The following ADARB2 variants were observed in gnomAD, a reference collection of about 807,000 sequenced individuals.
The protein encoded by ADARB2 is adenosine deaminase RNA specific B2 (inactive).
Under a neutral mutation model 62.2 loss-of-function variants are expected in ADARB2, and 25 were observed. That is an observed-to-expected ratio of 0.40 (90% confidence interval 0.29 to 0.56). The LOEUF (loss-of-function observed/expected upper bound fraction) is 0.56, where lower values mean the gene tolerates loss of function less well. Ranked by LOEUF, ADARB2 falls within the 20% of genes least tolerant of loss-of-function variation. The pLI, the probability that ADARB2 is intolerant of heterozygous loss-of-function variation, is 0.43. For missense variants in ADARB2, 1,071 were observed against 1,077.4 expected (o/e 0.99, Z 0.08); for synonymous variants, 572 against 500.8 (o/e 1.14, Z -1.90).
chr10:1,664,988 G>C (rs1293846928), intron 1 of ADARB2, among the ~76,000 whole-genome samples: 2 of 152,164 alleles, frequency 1.3e-5, no homozygotes, highest in Non-Finnish European at 2.9e-5. Flanking sequence ...AAGAACACCA[G>C]GGACCCATGA....
At chr10:1,544,861 G>A (rs915925973) in intron 1 of ADARB2, among the ~76,000 whole-genome samples, 29 of 151,364 alleles carry the variant, frequency 1.9e-4, no homozygotes, top group Non-Finnish European at 2.7e-4. Flanking sequence ...AACAAAATAC[G>A]TATGGTCTAT....
intron 1 of ADARB2, among the ~76,000 whole-genome samples, chr10:1,571,388 G>A (rs992460383): frequency 3.9e-5 from 6 of 151,918 alleles, no homozygotes; most frequent in African/African-American, 1.5e-4. Context: ...TTTCAATCAT[G>A]TTTGTGTTCT....
Position 1,522,540 on chromosome 10 carries a change from T to C in ADARB2, c.101-143380A>G, listed in dbSNP as rs180925574. Among the ~76,000 whole-genome samples, 3 of 152,280 alleles carry C rather than the reference T, an allele frequency of 2.0e-5. No individual in the cohort carries two copies. In the East Asian group the frequency reaches 5.8e-4, roughly 29 times the overall value. The stretch of plus-strand genomic sequence containing the variant: ...AGGCCCAGATGCCACCTTCTGTCTG[T>C]GATGAGGACGAGGACAACGTCTCCA... On this transcript the variant is annotated intron_variant, in intron 1 of 9. Coordinates refer to ENST00000381312, the MANE Select transcript of ADARB2 (RefSeq NM_018702.4).
At chr10:1,414,279 T>A (rs1463262646) in intron 1 of ADARB2, among the ~76,000 whole-genome samples, 2 of 152,328 alleles carry the variant, frequency 1.3e-5, no homozygotes, top group African/African-American at 4.8e-5. Flanking sequence ...ATGTCTGACA[T>A]AATGTAAAAG....
intron 1 of ADARB2, among the ~76,000 whole-genome samples, chr10:1,636,414 G>A (rs1297483936): frequency 1.3e-5 from 2 of 152,268 alleles, no homozygotes; most frequent in African/African-American, 4.8e-5. Context: ...CTACTCAGGA[G>A]GCTGAGGCAG....
intron 3 of ADARB2, among the ~76,000 whole-genome samples, chr10:1,350,088 T>A (rs1390130899): frequency 6.6e-6 from 1 of 152,204 alleles, no homozygotes; most frequent in Non-Finnish European, 1.5e-5. Flanking sequence ...TCTTATTTTC[T>A]TCTGCAACAC....
intron 1 of ADARB2, among the ~76,000 whole-genome samples, chr10:1,546,083 C>T (rs1169751133): frequency 1.3e-5 from 2 of 152,044 alleles, no homozygotes; most frequent in African/African-American, 4.8e-5. Flanking sequence ...ACACCAGCCC[C>T]TTGCCTGCCT....
At chr10:1,695,628 T>C (rs9663274) in intron 1 of ADARB2, among the ~76,000 whole-genome samples, 4,039 of 152,232 alleles carry the variant, frequency 0.027, 75 homozygotes, top group Non-Finnish European at 0.038. Context: ...TGTGAGAGTG[T>C]GTGCATGTAT....
At chr10:1,433,113 A>G (rs928350025) in intron 1 of ADARB2, among the ~76,000 whole-genome samples, 15 of 152,230 alleles carry the variant, frequency 9.9e-5, no homozygotes, top group African/African-American at 3.6e-4. Context: ...TGGGAATGGA[A>G]TTATCATAAT....
At chr10:1,249,335 G>A (rs928289812) in intron 4 of ADARB2, among the ~76,000 whole-genome samples, 2 of 151,826 alleles carry the variant, frequency 1.3e-5, no homozygotes, top group African/African-American at 4.8e-5. Context: ...CCGGGTACTT[G>A]AGAGACTGAG....
Position 1,262,321 on chromosome 10 carries a change from A to AT in ADARB2, c.1192+8633_1192+8634insA, listed in dbSNP as rs397743234. On this transcript the variant is annotated intron_variant, in intron 4 of 9. Transcript: ENST00000381312. ...AATAATAATAATAATAATAATAATA[A>AT]AAGAAACCACCATCAGAGTGAACAG... Among the ~76,000 whole-genome samples the AT allele has an allele frequency of 1.6e-4, 23 of 147,444 alleles. No individual in the cohort carries two copies. The South Asian group carries it at 4.0e-3, about 26-fold the overall frequency.
chr10:1,439,454 C>CGGTGGACAGA (rs1830875631), intron 1 of ADARB2, among the ~76,000 whole-genome samples: 1 of 140,294 alleles, frequency 7.1e-6, no homozygotes. Flanking sequence ...TGAGTCTCCT[C>CGGTGGACAGA]AGCAGATGGA....
At chr10:1,613,509 T>G (rs1833596241) in intron 1 of ADARB2, among the ~76,000 whole-genome samples, 1 of 152,122 alleles carries the variant, frequency 6.6e-6, no homozygotes, top group Non-Finnish European at 1.5e-5. Flanking sequence ...TGTGCAGAGT[T>G]TCCAGCAACT....
chr10:1,211,524 C>G (rs1161102830), intron 7 of ADARB2, among the ~76,000 whole-genome samples: 1 of 152,206 alleles, frequency 6.6e-6, no homozygotes, highest in Admixed American at 6.5e-5. Flanking sequence ...AGCATGGATT[C>G]TAAGGAGGGT....
chr10:1,401,735 A>G (rs1168419090), intron 1 of ADARB2, among the ~76,000 whole-genome samples: 2 of 152,232 alleles, frequency 1.3e-5, no homozygotes, highest in Non-Finnish European at 2.9e-5. Flanking sequence ...TTTTTCTGTG[A>G]GCCTCACGCT....
At chr10:1,327,846 G>GCCTCCCCACAGCACAGCA (rs1831887781) in intron 3 of ADARB2, among the ~76,000 whole-genome samples, 2 of 49,392 alleles carry the variant, frequency 4.0e-5, no homozygotes, top group African/African-American at 1.9e-4. Context: ...ACAGCTCAGT[G>GCCTCCCCACAGCACAGCA]CCTCCTCACA....
At chr10:1,488,060 G>T (rs1831565730) in intron 1 of ADARB2, among the ~76,000 whole-genome samples, 1 of 152,008 alleles carries the variant, frequency 6.6e-6, no homozygotes. Flanking sequence ...ATGTTTCTTG[G>T]TTTGCTTTGA....
intron 3 of ADARB2, among the ~76,000 whole-genome samples, chr10:1,318,118 CT>C (rs879318945): frequency 6.6e-6 from 1 of 152,226 alleles, no homozygotes; most frequent in Non-Finnish European, 1.5e-5. Context: ...ATATACTATA[CT>C]TTTGTTAGAC....
intron 6 of ADARB2, among the ~76,000 whole-genome samples, chr10:1,227,404 A>G (rs1018911184): frequency 6.6e-6 from 1 of 152,112 alleles, no homozygotes; most frequent in African/African-American, 2.4e-5. Flanking sequence ...GGTGCACTGC[A>G]CCCAGTGTCC....
Sources: gnomAD v4.1 joint callset for allele counts (sites outside exome capture counted in the v4.1 genomes callset) on GRCh38, gnomAD v4.1.1 for gene constraint, MANE v1.5 for transcripts, NCBI Gene and HGNC (gene_info 2026-07-23, HGNC 2026-07-21) for gene names.